Variants in ASS1 observed in about 807,000 individuals in gnomAD.
ASS1 encodes argininosuccinate synthase 1, also known as argininosuccinate synthase.
Under a neutral mutation model 60.5 loss-of-function variants are expected in ASS1, and 58 were observed. The ratio of observed to expected loss-of-function variants is 0.96; its 90% CI spans 0.78 to 1.19. The LOEUF (loss-of-function observed/expected upper bound fraction) is 1.19, where lower values mean the gene tolerates loss of function less well. ASS1 is among the 50% of genes most tolerant of loss of function. ASS1 has a pLI of 0.00. For synonymous variants in ASS1, 200 were observed against 206.9 expected, an observed-to-expected ratio of 0.97 and a Z score of 0.29; for missense variants, 454 against 547.3, an observed-to-expected ratio of 0.83 and a Z score of 1.70.
rs958443637 is a variant in ASS1 at position 130,494,457 on chromosome 9, G to A, written c.971-410G>A. Reference sequence around the variant, plus strand: ...CATATCACCAAGCCCCAGGCAGCATGTGCCTCTGAGTCCTGTCTGAGGTCT... The same window carrying A: ...CATATCACCAAGCCCCAGGCAGCATATGCCTCTGAGTCCTGTCTGAGGTCT... On this transcript the variant is annotated intron_variant, in intron 12 of 14. Coordinates refer to ENST00000352480, the MANE Select transcript of ASS1 (RefSeq NM_054012.4). This position sits in a 1 kb window ranked among gnomAD's most constrained non-coding sequence, Gnocchi z 4.3. 4.6e-5 allele frequency among the ~76,000 whole-genome samples: 7 copies of A among 152,254 alleles called. No individual in the cohort carries two copies. Among genetic ancestry groups the A allele is most frequent in the Non-Finnish European group, 1.0e-4 (7 of 68,048 alleles).
chr9:130,458,023 G>A (rs556361090), intron 3 of ASS1, among the ~76,000 whole-genome samples: 1 of 152,272 alleles, frequency 6.6e-6, no homozygotes, highest in East Asian at 1.9e-4. Context: ...GCAAGCCATG[G>A]TGGCATGCGC....
chr9:130,458,524 CG>C lies in ASS1; in HGVS notation c.299del (p.Arg100ProfsTer40). ...CTCTCTTGCCAGGCCCTGCATCGCC[CG>C]CAAACAAGTGGAAATCGCCCAGCGG... ...GTSLARPCIA[R>X]KQVEIAQREG... is the part of the protein sequence containing the mutation. On this transcript the variant is annotated frameshift_variant, in exon 4 of 15. Coordinates refer to ENST00000352480, the MANE Select transcript of ASS1 (RefSeq NM_054012.4). LOFTEE classifies it high-confidence loss of function. 1 of 1,613,244 alleles carries C rather than the reference CG, an allele frequency of 6.2e-7. No homozygotes were observed. The highest frequency in any genetic ancestry group is 2.2e-5 in the East Asian group (1 of 44,866).
At chr9:130,454,921 C>T (rs1845407993) in intron 3 of ASS1, among the ~76,000 whole-genome samples, 1 of 151,230 alleles carries the variant, frequency 6.6e-6, no homozygotes, top group Non-Finnish European at 1.5e-5. Flanking sequence ...CATCCATTAT[C>T]CATCCATCCA....
In ASS1 at chr9:130,478,711, AGG is replaced by A. The variant is rs1846083996; in HGVS notation, c.689-1003_689-1002del. 1.3e-5 allele frequency among the ~76,000 whole-genome samples: 2 copies of A among 152,152 alleles called. No individual in the cohort carries two copies. Among genetic ancestry groups the A allele is most frequent in the African/African-American group, 4.8e-5 (2 of 41,432 alleles). On this transcript the variant is annotated intron_variant, in intron 9 of 14. Coordinates refer to ENST00000352480, the MANE Select transcript of ASS1 (RefSeq NM_054012.4). The surrounding 1 kb of genome is among the most constrained non-coding windows in gnomAD (Gnocchi z 4.7). ...ATAATAGGACCGGGGAGGGAGAGAA[AGG>A]GAGAGAGGAGAGGCGGGGGGTGGTG... is the stretch of plus-strand genomic sequence containing the variant.
intron 2 of ASS1, among the ~76,000 whole-genome samples, chr9:130,454,095 A>G (rs1845383229): frequency 6.6e-6 from 1 of 152,218 alleles, no homozygotes; most frequent in Non-Finnish European, 1.5e-5. Flanking sequence ...ACCAGCCATC[A>G]CCACGCTACA....
chr9:130,481,517 CGATCA>C (rs1249760510), intron 11 of ASS1, among the ~76,000 whole-genome samples: 1 of 152,208 alleles, frequency 6.6e-6, no homozygotes, highest in Non-Finnish European at 1.5e-5. Flanking sequence ...CAAAGAGAGC[CGATCA>C]CCCCATGTGG....
chr9:130,487,604 G>T (rs1846336842), intron 11 of ASS1, among the ~76,000 whole-genome samples: 1 of 151,930 alleles, frequency 6.6e-6, no homozygotes, highest in Non-Finnish European at 1.5e-5. Flanking sequence ...CCCTACCCCG[G>T]CCCCTGGCAG....
intron 11 of ASS1, among the ~76,000 whole-genome samples, chr9:130,480,871 G>A (rs762330835): frequency 1.1e-4 from 16 of 152,240 alleles, no homozygotes; most frequent in African/African-American, 4.8e-5. Flanking sequence ...AGGGGTGGGC[G>A]CTGTGGCTGC....
intron 11 of ASS1, among the ~76,000 whole-genome samples, chr9:130,485,589 G>T (rs960708521): frequency 5.3e-5 from 8 of 152,096 alleles, no homozygotes; most frequent in African/African-American, 1.9e-4. Flanking sequence ...AAATGAGGAG[G>T]GCTCCTGCTA....
rs377559649 is a variant in ASS1 at position 130,451,337 on chromosome 9, C to T, written c.-5-887C>T. On this transcript the variant is annotated intron_variant, in intron 1 of 14. Coordinates refer to ENST00000352480, the MANE Select transcript of ASS1 (RefSeq NM_054012.4). Reference sequence around the variant, plus strand: ...GAGCCCTCGTGCCCATCTGTCCCCCCGGGAAGGGCCGCTGGTTGCAGAGGT... The same window carrying T: ...GAGCCCTCGTGCCCATCTGTCCCCCTGGGAAGGGCCGCTGGTTGCAGAGGT... 7.2e-5 allele frequency among the ~76,000 whole-genome samples: 11 copies of T among 152,276 alleles called. 1 individual carries two copies. Among genetic ancestry groups the T allele is most frequent in the South Asian group, 6.2e-4 (3 of 4,818 alleles).
intron 11 of ASS1, among the ~76,000 whole-genome samples, chr9:130,483,881 G>A (rs1846234566): frequency 7.0e-6 from 1 of 142,826 alleles, no homozygotes; most frequent in East Asian, 2.0e-4. Flanking sequence ...CTCCCCTCCT[G>A]TCTCCCTTCC....
At chr9:130,479,092 C>T (rs1465988198) in intron 9 of ASS1, among the ~76,000 whole-genome samples, 1 of 151,944 alleles carries the variant, frequency 6.6e-6, no homozygotes, top group Non-Finnish European at 1.5e-5. Flanking sequence ...CAACCCCGAA[C>T]CCACCCACTG....
intron 9 of ASS1, among the ~76,000 whole-genome samples, chr9:130,479,054 C>T (rs1018546398): frequency 1.3e-5 from 2 of 152,164 alleles, no homozygotes; most frequent in African/African-American, 2.4e-5. Flanking sequence ...TCACACCGCT[C>T]GAGAAAGTGC....
chr9:130,479,218 C>G (rs1342892919), intron 9 of ASS1, among the ~76,000 whole-genome samples: 1 of 151,928 alleles, frequency 6.6e-6, no homozygotes, highest in Non-Finnish European at 1.5e-5. Flanking sequence ...AATCAGATGG[C>G]TGCGTGTGGG....
At chr9:130,471,544 G>C (rs369403556) in intron 8 of ASS1, 29 bp downstream of exon 8, 13 of 1,607,828 alleles carry the variant, frequency 8.1e-6, no homozygotes, top group Non-Finnish European at 1.1e-5. Flanking sequence ...TCTCCTCCCA[G>C]CTGGCCACCT....
At chr9:130,465,589 G>A (rs970441378) in intron 5 of ASS1, among the ~76,000 whole-genome samples, 21 of 152,240 alleles carry the variant, frequency 1.4e-4, no homozygotes, top group African/African-American at 4.8e-4. Flanking sequence ...GCACAGGCCG[G>A]GACTGAGCTC....
rs543324132 is a variant in ASS1, at chr9:130,458,667, G to A, written c.363+78G>A. 2.5e-5 allele frequency: 39 copies of A among 1,543,070 alleles called. 1 individual carries two copies. In the African/African-American group the frequency reaches 3.0e-4, roughly 12 times the overall value. On this transcript the variant is annotated intron_variant, in intron 4 of 14. Coordinates refer to ENST00000352480, the MANE Select transcript of ASS1 (RefSeq NM_054012.4). ...GGAAGGAGATGAGCACCCCTCGAGC[G>A]GTTTCCTGGTGTGCCTCCGGGGCAG...
intron 14 of ASS1, 41 bp downstream of exon 14, chr9:130,499,611 G>A (rs781111470): frequency 3.2e-6 from 5 of 1,582,480 alleles, no homozygotes; most frequent in Non-Finnish European, 4.3e-6. Flanking sequence ...AGAGCCTCCA[G>A]GTGTAAAGGG....
Position 130,452,279 on chromosome 9 carries a change from C to T in ASS1, c.51C>T (p.Thr17=), listed in dbSNP as rs1045437120. Residue 17 remains threonine (T), a synonymous_variant, in exon 2 of 15, where the codon ACC becomes ACT. Coordinates refer to ENST00000352480, the MANE Select transcript of ASS1 (RefSeq NM_054012.4). ...VVLAYSGGLD[T]SCILVWLKEQ... is the part of the protein sequence containing the mutation. The stretch of plus-strand genomic sequence containing the variant: ...TGGCCTACAGTGGCGGCCTGGACAC[C>T]TCGTGCATCCTCGTGTGGCTGAAGG... 1 of 1,614,190 alleles carries T rather than the reference C, an allele frequency of 6.2e-7. No homozygotes were observed. Among genetic ancestry groups the T allele is most frequent in the Non-Finnish European group, 8.5e-7 (1 of 1,180,030 alleles).
Sources: allele counts gnomAD v4.1 joint callset (sites outside exome capture counted in the v4.1 genomes callset), GRCh38; gene constraint gnomAD v4.1.1; non-coding constraint Gnocchi (gnomAD v3.1); transcripts MANE v1.5; gene names NCBI Gene and HGNC (gene_info 2026-07-23, HGNC 2026-07-21).